Variants in AKAP17A observed in about 807,000 individuals in gnomAD.
AKAP17A encodes A-kinase anchor protein 17A.
A neutral mutation model predicts 52.2 loss-of-function variants in AKAP17A; 15 were observed. The ratio of observed to expected loss-of-function variants is 0.29; its 90% confidence interval spans 0.19 to 0.44. The LOEUF (loss-of-function observed/expected upper bound fraction) is 0.44, where lower values mean the gene tolerates loss of function less well. Among genes scored for constraint, AKAP17A ranks in the 20% least tolerant of loss-of-function variants. The pLI is 1.00. For synonymous variants in AKAP17A, 514 were observed against 424.7 expected, an observed-to-expected ratio of 1.21 and a Z score of -2.58; for missense variants, 1,060 against 1,007.0, an observed-to-expected ratio of 1.05 and a Z score of -0.71.
Position 1,593,535 on chromosome X carries a change from A to C in AKAP17A, c.73A>C (p.Lys25Gln). 1 of 1,613,602 alleles carries C rather than the reference A, an allele frequency of 6.2e-7. No individual in the cohort carries two copies. Among genetic ancestry groups the C allele is most frequent in the South Asian group, 1.1e-5 (1 of 91,076 alleles). ...ELCPAYGLYL[K>Q]PITKMTISVA... is the part of the protein sequence containing the mutation. ...CTGCCCTGCTTACGGCTTGTACCTG[A>C]AGCCCATCACCAAGATGACCATCAG... is the stretch of plus-strand genomic sequence containing the variant. Residue 25 changes from lysine (K) to glutamine (Q), a missense_variant, in exon 2 of 5, where the codon AAG becomes CAG. Lys to Gln is a moderately conservative substitution (Grantham distance 53, BLOSUM62 1). This residue lies in a region of AKAP17A where 267 missense variants were observed against 377.1 expected (regional missense o/e 0.71). Coordinates refer to ENST00000313871, the MANE Select transcript of AKAP17A (RefSeq NM_005088.3).
chrX:1,596,196 A>C (rs1308062994), intron 3 of AKAP17A, among the ~76,000 whole-genome samples: 3 of 150,004 alleles, frequency 2.0e-5, no homozygotes, highest in African/African-American at 7.4e-5. Flanking sequence ...TTACAAAATG[A>C]AGTAGAGGGT....
Position 1,600,951 on chromosome X carries a change from C to A in AKAP17A, c.1445C>A (p.Thr482Asn). The change falls in exon 5 of 5, where the codon ACC (threonine) becomes AAC (asparagine). Residue 482 changes from threonine (T) to asparagine (N), a missense_variant. Physicochemically the swap from Thr to Asn is moderately conservative, Grantham distance 65. Transcript: ENST00000313871. ...GTGTCGTCCGGCTGTGTGAGCGCCA[C>A]CACGCTGCACCCCCTCGGGGGCCAG... is the stretch of plus-strand genomic sequence containing the variant. ...QTVSSGCVSA[T>N]TLHPLGGQPP... 6 of 1,584,424 alleles carry A rather than the reference C, an allele frequency of 3.8e-6. No homozygotes were observed. The highest frequency in any genetic ancestry group is 5.1e-6 in the Non-Finnish European group (6 of 1,167,726).
chrX:1,599,127 T>C, intron 3 of AKAP17A, 65 bp from the exon 4 acceptor site: 2 of 1,578,574 alleles, frequency 1.3e-6, no homozygotes, highest in African/African-American at 1.4e-5. Flanking sequence ...GGAAAGCCGC[T>C]TGTATGGTGT....
chrX:1,597,671 G>C (rs1331761938), intron 3 of AKAP17A, among the ~76,000 whole-genome samples: 1 of 136,000 alleles, frequency 7.4e-6, no homozygotes, highest in Non-Finnish European at 1.6e-5. Context: ...TCGCAGGAGT[G>C]TCCCCGCAAC....
At chrX:1,600,409 G>A (rs753367903) in intron 4 of AKAP17A, 66 of 627,402 alleles carry the variant, frequency 1.1e-4, no homozygotes, top group African/African-American at 8.6e-4. Flanking sequence ...GCGCCGAGCC[G>A]CTTTGCCAAG....
rs369460597 is a variant in AKAP17A at position 1,601,396 on chromosome X, G to C, written c.1890G>C (p.Lys630Asn). Reference sequence around the variant, plus strand: ...GGCCCCACAAGAAGCACGCCTACAAGGATGACAGCCCCCGCCGGCGCAGCA... The same window carrying C: ...GGCCCCACAAGAAGCACGCCTACAACGATGACAGCCCCCGCCGGCGCAGCA... ...ERRPHKKHAY[K>N]DDSPRRRSTS... The change falls in exon 5 of 5, where the codon AAG becomes AAC. Residue 630 changes from lysine to asparagine, a missense_variant. Transcript: ENST00000313871. 6.4e-7 allele frequency: 1 copy of C among 1,566,470 alleles called. No individual in the cohort carries two copies. Among genetic ancestry groups the C allele is most frequent in the African/African-American group, 1.4e-5 (1 of 73,818 alleles).
intron 1 of AKAP17A, among the ~76,000 whole-genome samples, chrX:1,593,013 T>C: frequency 6.6e-6 from 1 of 152,304 alleles, no homozygotes; most frequent in South Asian, 2.1e-4. Flanking sequence ...TGCCTGCAGC[T>C]GTGCTCTCCC....
chrX:1,592,720 A>T (rs1463462623), intron 1 of AKAP17A, among the ~76,000 whole-genome samples: 1 of 151,992 alleles, frequency 6.6e-6, no homozygotes, highest in African/African-American at 2.4e-5. Context: ...AGCTTCCTCT[A>T]CTTGGACTTG....
At chrX:1,597,767 T>G (rs182335075) in intron 3 of AKAP17A, among the ~76,000 whole-genome samples, 1 of 150,818 alleles carries the variant, frequency 6.6e-6, no homozygotes, top group African/African-American at 2.4e-5. Flanking sequence ...AGTAGTGGAG[T>G]GTGTCTCTGC....
intron 4 of AKAP17A, chrX:1,599,707 G>C (rs1241422789): frequency 3.2e-6 from 2 of 630,428 alleles, no homozygotes; most frequent in Non-Finnish European, 5.7e-6. Context: ...GGCCAGGGCA[G>C]AGGCTCTCTG....
chrX:1,600,104 C>A, intron 4 of AKAP17A: 2 of 1,273,588 alleles, frequency 1.6e-6, no homozygotes, highest in Non-Finnish European at 2.1e-6. Context: ...GAGTCCAACG[C>A]GGGGCGACCC....
chrX:1,597,518 G>A (rs1171526987), intron 3 of AKAP17A, among the ~76,000 whole-genome samples: 2 of 152,180 alleles, frequency 1.3e-5, no homozygotes, highest in East Asian at 1.9e-4. Context: ...CTGTCAGGCC[G>A]AGCAGGACAG....
intron 4 of AKAP17A, chrX:1,599,879 CG>C (rs1283043979): frequency 3.5e-6 from 2 of 575,744 alleles, no homozygotes; most frequent in African/African-American, 3.8e-5. Context: ...GGGGGCCTGC[CG>C]TGGGCCCGGG....
intron 3 of AKAP17A, among the ~76,000 whole-genome samples, chrX:1,598,819 C>A (rs1376187445): frequency 6.6e-6 from 1 of 152,196 alleles, no homozygotes; most frequent in Admixed American, 6.5e-5. Flanking sequence ...TCCTCCGCGC[C>A]GCTGTGCATC....
rs28656427 is a variant in AKAP17A, at chrX:1,598,739, G to A, written c.912-453G>A. On this transcript the variant is annotated intron_variant, in intron 3 of 4. Coordinates refer to ENST00000313871, the MANE Select transcript of AKAP17A (RefSeq NM_005088.3). The stretch of plus-strand genomic sequence containing the variant: ...AGAGGTCCCCCCGTGCCAGTGCTGT[G>A]TGGTGCCCTCACAGGAGTCCTGCAC... 3.7e-3 allele frequency among the ~76,000 whole-genome samples: 566 copies of A among 152,292 alleles called. 1 individual carries two copies. The highest frequency in any genetic ancestry group is 0.013 in the African/African-American group (536 of 41,568).
At chrX:1,598,996 C>T (rs1933188881) in intron 3 of AKAP17A, among the ~76,000 whole-genome samples, 196 bp from the exon 4 acceptor site, 1 of 152,126 alleles carries the variant, frequency 6.6e-6, no homozygotes, top group Non-Finnish European at 1.5e-5. Flanking sequence ...TGGAAGGTCA[C>T]GGAGGTCCTC....
chrX:1,600,801 G>C lies in AKAP17A; in HGVS notation c.1295G>C (p.Arg432Pro). 3.1e-6 allele frequency: 5 copies of C among 1,589,598 alleles called. No homozygotes were observed. Among genetic ancestry groups the C allele is most frequent in the Non-Finnish European group, 2.6e-6 (3 of 1,172,560 alleles). ...GCGCTGGGCCTGCAGCGGAAAGAGCGGGAGCTGCGCGAGCGGCTGCTGAGC... is the reference window on the plus strand; with the variant it reads ...GCGCTGGGCCTGCAGCGGAAAGAGCCGGAGCTGCGCGAGCGGCTGCTGAGC... Reference protein sequence around the residue: ...ERALGLQRKERELRERLLSIL... With the variant: ...ERALGLQRKEPELRERLLSIL... Residue 432 changes from arginine to proline, a missense_variant, in exon 5 of 5, where the codon CGG (arginine) becomes CCG (proline). Arg to Pro is a moderately radical substitution (Grantham distance 103, BLOSUM62 -2). This residue lies in a region of AKAP17A where 793 missense variants were observed against 629.9 expected (regional missense o/e 1.26). Coordinates refer to ENST00000313871, the MANE Select transcript of AKAP17A (RefSeq NM_005088.3).
chrX:1,595,507 G>C lies in AKAP17A; in HGVS notation c.886G>C (p.Glu296Gln), dbSNP rs1477728425. The part of the protein sequence containing the change: ...EEQKRREKEA[E>Q]ERQRAEERKQ... ...ACAAAAGCGCAGAGAGAAGGAAGCG[G>C]AGGAGAGGCAGCGAGCGGAGGAAAG... Residue 296 changes from glutamate to glutamine, a missense_variant, in exon 3 of 5, where the codon GAG becomes CAG. By Grantham distance (29) the Glu-to-Gln change is conservative. This residue lies in a region of AKAP17A where 793 missense variants were observed against 629.9 expected (regional missense o/e 1.26). Transcript: ENST00000313871. 1 of 1,613,828 alleles carries C rather than the reference G, an allele frequency of 6.2e-7. No individual in the cohort carries two copies. Among genetic ancestry groups the C allele is most frequent in the African/African-American group, 1.3e-5 (1 of 74,940 alleles).
chrX:1,601,771 T>C lies in AKAP17A; in HGVS notation c.*177T>C. The C allele has an allele frequency of 1.9e-6, 1 of 519,892 alleles. No homozygotes were observed. The highest frequency in any genetic ancestry group is 3.1e-6 in the Non-Finnish European group (1 of 320,232). 32.2% of individuals were successfully genotyped at this position (519,892 alleles called of 1,614,324 possible). The stretch of plus-strand genomic sequence containing the variant: ...GACACCATGCTTTAGAGATCCATCT[T>C]TCTCCACTCACCGCAGCGTACTTGG... On this transcript the variant is annotated 3_prime_UTR_variant, in exon 5 of 5. Coordinates refer to ENST00000313871, the MANE Select transcript of AKAP17A (RefSeq NM_005088.3).
Sources: gnomAD v4.1 joint callset for allele counts (sites outside exome capture counted in the v4.1 genomes callset) on GRCh38, gnomAD v4.1.1 for gene constraint, gnomAD v4.1.1 regional missense constraint, MANE v1.5 for transcripts, NCBI Gene and HGNC (gene_info 2026-07-23, HGNC 2026-07-21) for gene names.